GAL3ST2: variants seen among roughly 807,000 people sequenced by gnomAD.
GAL3ST2 encodes galactose-3-O-sulfotransferase 2, also known as beta-galactose-3-O-sulfotransferase 2.
A neutral mutation model predicts 12.9 loss-of-function variants in GAL3ST2; 16 were observed. That is an observed-to-expected ratio of 1.24 (90% CI 0.84 to 1.88). The LOEUF is 1.88. Ranked by LOEUF, GAL3ST2 falls within the 40% of genes most tolerant of loss-of-function variation. GAL3ST2 has a pLI of 0.00. For synonymous variants in GAL3ST2, 302 were observed against 273.9 expected (o/e 1.10, Z -1.01); for missense variants, 639 against 571.8 (o/e 1.12, Z -1.20).
chr2:241,777,562 G>T (rs1446987645), intron 1 of GAL3ST2, among the ~76,000 whole-genome samples: 1 of 152,178 alleles, frequency 6.6e-6, no homozygotes. Flanking sequence ...TCTCCTGCTC[G>T]CCATCCTGTT....
At position 241,803,822 on chromosome 2, in the gene GAL3ST2, C is replaced by T. The variant is rs550417478; in HGVS notation, c.853C>T (p.His285Tyr). The change falls in exon 4 of 4, where the codon CAT (histidine) becomes TAT (tyrosine). Residue 285 changes from histidine (H) to tyrosine (Y), a missense_variant. Transcript: ENST00000192314. ...CGCGCTGGACTGGCGCCTGTACGAGCATTTCAACCGCACCCTCTGGGCGCA... is the reference window on the plus strand; with the variant it reads ...CGCGCTGGACTGGCGCCTGTACGAGTATTTCAACCGCACCCTCTGGGCGCA... Reference protein sequence around the residue: ...WCALDWRLYEHFNRTLWAQLR... With the variant: ...WCALDWRLYEYFNRTLWAQLR... 1.3e-6 allele frequency: 2 copies of T among 1,492,514 alleles called. No individual in the cohort carries two copies. The highest frequency in any genetic ancestry group is 2.8e-5 in the East Asian group (1 of 35,374). The allele number at this position is 1,492,514 out of a possible 1,614,324, so 92.5% of individuals were successfully genotyped here. A position where few individuals can be genotyped will look rare whatever the true frequency, so the allele number is the denominator to read the frequency against.
At chr2:241,785,427 C>T (rs1699616940) in intron 1 of GAL3ST2, among the ~76,000 whole-genome samples, 1 of 151,908 alleles carries the variant, frequency 6.6e-6, no homozygotes, top group South Asian at 2.1e-4. Flanking sequence ...GTGGTGGGCA[C>T]CTGTAATCCC....
chr2:241,792,867 C>T (rs768661037), intron 1 of GAL3ST2, among the ~76,000 whole-genome samples: 2 of 152,232 alleles, frequency 1.3e-5, no homozygotes, highest in Admixed American at 1.3e-4. Context: ...CTCCCCTCTG[C>T]TCACTGAGAT....
At chr2:241,796,389 A>G (rs1039797716) in intron 1 of GAL3ST2, among the ~76,000 whole-genome samples, 1 of 152,144 alleles carries the variant, frequency 6.6e-6, no homozygotes, top group African/African-American at 2.4e-5. Context: ...GGAGACGTAC[A>G]AAGCAGGCTC....
intron 1 of GAL3ST2, among the ~76,000 whole-genome samples, chr2:241,788,671 T>C (rs1227026637): frequency 6.6e-6 from 1 of 152,202 alleles, no homozygotes; most frequent in African/African-American, 2.4e-5. Flanking sequence ...GGTTGACCCC[T>C]GCTGTGACAT....
At position 241,795,614 on chromosome 2, in the gene GAL3ST2, AACTGCCC is replaced by A. The variant is rs1699763723; in HGVS notation, c.30-3450_30-3444del. 2.4e-4 allele frequency among the ~76,000 whole-genome samples: 36 copies of A among 152,264 alleles called. No individual in the cohort carries two copies. In the South Asian group the frequency reaches 7.5e-3, roughly 32 times the overall value. On this transcript the variant is annotated intron_variant, in intron 1 of 3. Transcript: ENST00000192314. This position sits in a 1 kb window ranked among gnomAD's most constrained non-coding sequence, Gnocchi z 4.5. ...AATCTCTAACTGTGCGGAGCCGTAA[AACTGCCC>A]TTCCCACCTCGTGCAGCCACTCTCC...
At chr2:241,797,985 C>T (rs1313162590) in intron 1 of GAL3ST2, among the ~76,000 whole-genome samples, 2 of 152,194 alleles carry the variant, frequency 1.3e-5, no homozygotes, top group South Asian at 2.1e-4. Context: ...TGCACTGAGA[C>T]GCTACGGCCC....
chr2:241,803,885 G>T lies in GAL3ST2; in HGVS notation c.916G>T (p.Glu306Ter). ...AELGPRRLRG[E>*]VERLRARRRE... ...GCTGGGGCCGCGGCGGCTGCGCGGG[G>T]AGGTGGAGCGGCTGCGCGCCCGGAG... Residue 306 changes from glutamate to a stop codon, truncating the protein, a stop_gained, in exon 4 of 4, where the codon GAG becomes TAG. Transcript: ENST00000192314. LOFTEE classifies it low-confidence loss of function (END_TRUNC). 1.4e-6 allele frequency: 2 copies of T among 1,420,204 alleles called. No individual in the cohort carries two copies. Among genetic ancestry groups the T allele is most frequent in the Non-Finnish European group, 9.1e-7 (1 of 1,095,944 alleles). The allele number at this position is 1,420,204 out of a possible 1,614,324, so 88.0% of individuals were successfully genotyped here.
chr2:241,804,126 C>T lies in GAL3ST2; in HGVS notation c.1157C>T (p.Pro386Leu), dbSNP rs373185622. 7 of 1,492,404 alleles carry T rather than the reference C, an allele frequency of 4.7e-6. No homozygotes were observed. The highest frequency in any genetic ancestry group is 5.6e-5 in the East Asian group (2 of 35,602). 92.4% of individuals were successfully genotyped at this position (1,492,404 alleles called of 1,614,324 possible). The change falls in exon 4 of 4, where the codon CCG (proline) becomes CTG (leucine). Residue 386 changes from proline (P) to leucine (L), a missense_variant. By Grantham distance (98) the Pro-to-Leu change is moderately conservative (BLOSUM62 -3). Coordinates refer to ENST00000192314, the MANE Select transcript of GAL3ST2 (RefSeq NM_022134.3). ...GCCCGCCTGTACGCCCTGCAGTTCC[C>T]GGAGAAGCCCCTCAAGAACATCCCG... is the stretch of plus-strand genomic sequence containing the variant. ...YMARLYALQF[P>L]EKPLKNIPFL... is the part of the protein sequence containing the mutation.
At chr2:241,783,347 C>G (rs932808783) in intron 1 of GAL3ST2, among the ~76,000 whole-genome samples, 1 of 152,076 alleles carries the variant, frequency 6.6e-6, no homozygotes, top group Admixed American at 6.6e-5. Flanking sequence ...TCTTAAACAA[C>G]CAGTCATTTT....
chr2:241,797,803 C>T (rs1699791358), intron 1 of GAL3ST2, among the ~76,000 whole-genome samples: 1 of 152,226 alleles, frequency 6.6e-6, no homozygotes, highest in Non-Finnish European at 1.5e-5. Flanking sequence ...CCCGCTTTGC[C>T]TTGGTTACAA....
At chr2:241,789,861 C>CA (rs570570822) in intron 1 of GAL3ST2, among the ~76,000 whole-genome samples, 45 of 140,736 alleles carry the variant, frequency 3.2e-4, no homozygotes, top group South Asian at 6.8e-4. Flanking sequence ...GACTCCATCT[C>CA]AAAAAAAAAA....
rs1377016927 is a variant in GAL3ST2 at position 241,804,082 on chromosome 2, G to T, written c.1113G>T (p.Met371Ile). 2 of 1,540,482 alleles carry T rather than the reference G, an allele frequency of 1.3e-6. No homozygotes were observed. The highest frequency in any genetic ancestry group is 1.2e-5 in the South Asian group (1 of 82,278). ...QTLGVCQRLV[M>I]PELQYMARLY... ...TGGGCGTGTGCCAGAGGCTTGTGAT[G>T]CCTGAGCTCCAGTACATGGCCCGCC... is the stretch of plus-strand genomic sequence containing the variant. Residue 371 changes from methionine to isoleucine, a missense_variant, in exon 4 of 4, where the codon ATG becomes ATT. Coordinates refer to ENST00000192314, the MANE Select transcript of GAL3ST2 (RefSeq NM_022134.3).
Position 241,804,154 on chromosome 2 carries a change from C to A in GAL3ST2, c.1185C>A (p.Phe395Leu). 1 of 1,448,128 alleles carries A rather than the reference C, an allele frequency of 6.9e-7. No individual in the cohort carries two copies. Among genetic ancestry groups the A allele is most frequent in the Non-Finnish European group, 9.1e-7 (1 of 1,094,126 alleles). The allele number at this position is 1,448,128 out of a possible 1,614,324, so 89.7% of individuals were successfully genotyped here. The change falls in exon 4 of 4, where the codon TTC (phenylalanine) becomes TTA (leucine). Residue 395 changes from phenylalanine (F) to leucine (L), a missense_variant. Coordinates refer to ENST00000192314, the MANE Select transcript of GAL3ST2 (RefSeq NM_022134.3). ...AGAAGCCCCTCAAGAACATCCCGTT[C>A]CTGGGGGCGTAGAGGGGCCGGGCCG... Reference protein sequence around the residue: ...FPEKPLKNIPFLGA With the variant: ...FPEKPLKNIPLLGA
Position 241,802,598 on chromosome 2 carries a change from G to A in GAL3ST2, c.375+562G>A, listed in dbSNP as rs552958204. 2.0e-5 allele frequency among the ~76,000 whole-genome samples: 3 copies of A among 151,352 alleles called. No homozygotes were observed. The highest frequency in any genetic ancestry group is 2.1e-4 in the South Asian group (1 of 4,758). On this transcript the variant is annotated intron_variant, in intron 3 of 3. Coordinates refer to ENST00000192314, the MANE Select transcript of GAL3ST2 (RefSeq NM_022134.3). The surrounding 1 kb of genome is among the most constrained non-coding windows in gnomAD (Gnocchi z 4.8). ...TGGGGAGAGGTGATGGGCAGAGAGC[G>A]GGGCAGCGGGGGTGTGCTGTGGGGT...
In GAL3ST2 at chr2:241,801,889, G is replaced by T; in HGVS notation, c.228G>T (p.Glu76Asp). 6.2e-7 allele frequency: 1 copy of T among 1,613,016 alleles called. No homozygotes were observed. The highest frequency in any genetic ancestry group is 8.5e-7 in the Non-Finnish European group (1 of 1,179,968). The change falls in exon 3 of 4, where the codon GAG becomes GAT. Residue 76 changes from glutamate (E) to aspartate (D), a missense_variant. Physicochemically the swap from Glu to Asp is conservative, Grantham distance 45 (BLOSUM62 2). Coordinates refer to ENST00000192314, the MANE Select transcript of GAL3ST2 (RefSeq NM_022134.3). This position sits in a 1 kb window ranked among gnomAD's most constrained non-coding sequence, Gnocchi z 4.4. ...TCAACATCCTCTACCGCTTCGCCGAGACCCACAACCTGTCCGTGGCGCTGC... is the reference window on the plus strand; with the variant it reads ...TCAACATCCTCTACCGCTTCGCCGATACCCACAACCTGTCCGTGGCGCTGC... ...TVLNILYRFA[E>D]THNLSVALPA...
At chr2:241,786,208 A>G (rs1699626528) in intron 1 of GAL3ST2, among the ~76,000 whole-genome samples, 1 of 149,828 alleles carries the variant, frequency 6.7e-6, no homozygotes, top group South Asian at 2.1e-4. Context: ...TCTTGTTCCC[A>G]ATAATTTGGA....
intron 1 of GAL3ST2, among the ~76,000 whole-genome samples, chr2:241,796,272 T>A (rs1389098697): frequency 6.6e-6 from 1 of 152,096 alleles, no homozygotes; most frequent in African/African-American, 2.4e-5. Context: ...TATGACCTTC[T>A]CAGGGCAGTG....
At chr2:241,790,964 T>A (rs1330329457) in intron 1 of GAL3ST2, among the ~76,000 whole-genome samples, 1 of 152,238 alleles carries the variant, frequency 6.6e-6, no homozygotes, top group Non-Finnish European at 1.5e-5. Flanking sequence ...CTCAACCAAT[T>A]GTCATCCAGA....
Sources: gnomAD v4.1 joint callset for allele counts (sites outside exome capture counted in the v4.1 genomes callset) on GRCh38, gnomAD v4.1.1 for gene constraint, Gnocchi (gnomAD v3.1) non-coding constraint, MANE v1.5 for transcripts, NCBI Gene and HGNC (gene_info 2026-07-23, HGNC 2026-07-21) for gene names.